PCBD2: variants seen among roughly 807,000 people sequenced by gnomAD.
PCBD2 encodes the protein pterin-4-alpha-carbinolamine dehydratase 2.
In PCBD2, 12 loss-of-function variants were observed where a neutral mutation model predicts 16.4. The observed-to-expected ratio is 0.73, with a 90% confidence interval of 0.47 to 1.19. PCBD2 has a LOEUF of 1.19. Ranked by LOEUF, PCBD2 falls within the 50% of genes most tolerant of loss-of-function variation. PCBD2 has a pLI of 0.00. For missense variants in PCBD2, 138 were observed against 156.8 expected (o/e 0.88, Z 0.64); for synonymous variants, 58 against 61.8 (o/e 0.94, Z 0.29).
intron 1 of PCBD2, among the ~76,000 whole-genome samples, chr5:134,909,876 C>T (rs1750745598): frequency 6.6e-6 from 1 of 152,184 alleles, no homozygotes; most frequent in Non-Finnish European, 1.5e-5. Context: ...CAAGGCCAGC[C>T]TGAGCAACAT....
chr5:134,931,011 A>G (rs892929062), intron 2 of PCBD2, among the ~76,000 whole-genome samples: 2 of 151,940 alleles, frequency 1.3e-5, no homozygotes, highest in African/African-American at 4.8e-5. Context: ...TTCACCTCCC[A>G]GGTTCACGCC....
At chr5:134,955,606 CCAA>C (rs1372923041) in intron 2 of PCBD2, among the ~76,000 whole-genome samples, 3 of 152,198 alleles carry the variant, frequency 2.0e-5, no homozygotes, top group Non-Finnish European at 1.5e-5. Flanking sequence ...CCACGCCCAG[CCAA>C]CAATGATCTT....
chr5:134,948,450 T>G (rs1188169158), intron 2 of PCBD2, among the ~76,000 whole-genome samples: 1 of 152,176 alleles, frequency 6.6e-6, no homozygotes, highest in African/African-American at 2.4e-5. Context: ...GAGTTTTTTT[T>G]TGTGGATGTA....
At chr5:134,911,352 C>T (rs2149530138) in intron 2 of PCBD2, among the ~76,000 whole-genome samples, 1 of 152,278 alleles carries the variant, frequency 6.6e-6, no homozygotes, top group South Asian at 2.1e-4. Flanking sequence ...GGTAACTGTT[C>T]CATTAGGGAC....
intron 2 of PCBD2, among the ~76,000 whole-genome samples, chr5:134,951,937 A>G (rs914777452): frequency 2.6e-5 from 4 of 151,724 alleles, no homozygotes; most frequent in African/African-American, 9.7e-5. Context: ...TACAGAAAAA[A>G]TTTTTTTTGC....
At chr5:134,953,497 A>G (rs940951893) in intron 2 of PCBD2, among the ~76,000 whole-genome samples, 1 of 151,972 alleles carries the variant, frequency 6.6e-6, no homozygotes, top group African/African-American at 2.4e-5. Context: ...CATAGAAAAT[A>G]TAGTCTTCTA....
intron 3 of PCBD2, among the ~76,000 whole-genome samples, chr5:134,959,883 C>CTTTTT (rs776164485): frequency 0.011 from 800 of 73,078 alleles, 7 homozygotes; most frequent in Middle Eastern, 0.017. Flanking sequence ...TAGAAATGTG[C>CTTTTT]TTTTTTTTTT....
chr5:134,906,486 T>G (rs1159862984), intron 1 of PCBD2, among the ~76,000 whole-genome samples: 1 of 152,020 alleles, frequency 6.6e-6, no homozygotes, highest in East Asian at 1.9e-4. Flanking sequence ...TAGAAGAAAT[T>G]TAAAATAGCT....
intron 1 of PCBD2, among the ~76,000 whole-genome samples, chr5:134,907,511 G>T (rs549147624): frequency 6.6e-6 from 1 of 152,208 alleles, no homozygotes; most frequent in Non-Finnish European, 1.5e-5. Flanking sequence ...AAAGTGCTGG[G>T]ATTACAGGCA....
chr5:134,932,699 G>T (rs1174030492), intron 2 of PCBD2, among the ~76,000 whole-genome samples: 1 of 152,020 alleles, frequency 6.6e-6, no homozygotes, highest in Admixed American at 6.6e-5. Flanking sequence ...GCCCAGGCTG[G>T]TCTTGAATTC....
intron 2 of PCBD2, among the ~76,000 whole-genome samples, chr5:134,948,892 G>T (rs1751329306): frequency 6.6e-6 from 1 of 152,212 alleles, no homozygotes; most frequent in Non-Finnish European, 1.5e-5. Context: ...GGGCCTGGAA[G>T]AGCAGGCAGC....
In PCBD2 at chr5:134,942,594, A is replaced by G. The variant is rs115872231; in HGVS notation, c.217-16446A>G. Among the ~76,000 whole-genome samples, 696 of 152,330 alleles carry G rather than the reference A, an allele frequency of 4.6e-3. 5 individuals carry two copies. Among genetic ancestry groups the G allele is most frequent in the African/African-American group, 0.016 (647 of 41,564 alleles). ...GTACTACTTGATCAGAAAAGAGGCT[A>G]TTCAGGTATTGCCATTGAGATGATG... On this transcript the variant is annotated intron_variant, in intron 2 of 3. Transcript: ENST00000254908.
chr5:134,917,084 A>C (rs1750842552), intron 2 of PCBD2, among the ~76,000 whole-genome samples: 1 of 152,244 alleles, frequency 6.6e-6, no homozygotes, highest in Non-Finnish European at 1.5e-5. Flanking sequence ...AAAGAACAAA[A>C]TGTCAGGTAG....
At chr5:134,912,579 G>C (rs1750782081) in intron 2 of PCBD2, among the ~76,000 whole-genome samples, 1 of 152,210 alleles carries the variant, frequency 6.6e-6, no homozygotes, top group South Asian at 2.1e-4. Flanking sequence ...GTAGATTAAA[G>C]CAGTGCCAAA....
intron 2 of PCBD2, among the ~76,000 whole-genome samples, chr5:134,931,231 G>GGT (rs1751091183): frequency 6.6e-6 from 1 of 151,986 alleles, no homozygotes; most frequent in African/African-American, 2.4e-5. Context: ...ATCATAACTT[G>GGT]GTGGTGTGCT....
At chr5:134,957,252 C>G (rs998239572) in intron 2 of PCBD2, among the ~76,000 whole-genome samples, 1 of 152,146 alleles carries the variant, frequency 6.6e-6, no homozygotes, top group African/African-American at 2.4e-5. Flanking sequence ...GAGTGAGACT[C>G]TGTCTCAAAA....
Position 134,955,751 on chromosome 5 carries a change from T to G in PCBD2, c.217-3289T>G, listed in dbSNP as rs114277477. ...GGGTCTCTTACTGGGTTGTTAGTGG[T>G]GTCTATTCTGCTTCTGGCTGTTTCT... is the stretch of plus-strand genomic sequence containing the variant. On this transcript the variant is annotated intron_variant, in intron 2 of 3. Transcript: ENST00000254908. Among the ~76,000 whole-genome samples, 702 of 152,356 alleles carry G rather than the reference T, an allele frequency of 4.6e-3. 5 individuals are homozygous for G. The highest frequency in any genetic ancestry group is 0.016 in the African/African-American group (653 of 41,590).
At chr5:134,956,349 C>T (rs1047099014) in intron 2 of PCBD2, among the ~76,000 whole-genome samples, 2 of 152,126 alleles carry the variant, frequency 1.3e-5, no homozygotes, top group African/African-American at 2.4e-5. Context: ...GCCTCTTAGG[C>T]TGTGGCTGTG....
intron 2 of PCBD2, among the ~76,000 whole-genome samples, chr5:134,914,021 A>G (rs1750799118): frequency 6.6e-6 from 1 of 151,998 alleles, no homozygotes; most frequent in Non-Finnish European, 1.5e-5. Context: ...AAATGGAGTT[A>G]TTGGGTTAGG....
Sources: allele counts gnomAD v4.1 joint callset (sites outside exome capture counted in the v4.1 genomes callset), GRCh38; gene constraint gnomAD v4.1.1; transcripts MANE v1.5; gene names NCBI Gene and HGNC (gene_info 2026-07-23, HGNC 2026-07-21).